UBP1: variants seen among roughly 807,000 people sequenced by gnomAD.
UBP1 encodes the protein upstream binding protein 1.
UBP1 carries 22 observed loss-of-function variants against 76.1 expected under a neutral mutation model. The observed-to-expected ratio is 0.29, with a 90% CI of 0.21 to 0.41. UBP1 has a LOEUF of 0.41. Among genes scored for constraint, UBP1 ranks in the 10% least tolerant of loss-of-function variants. The probability of loss-of-function intolerance (pLI) is 1.00; values close to 1 mark genes in which losing one functional copy is unlikely to be tolerated. For synonymous variants in UBP1, 224 were observed against 237.1 expected (o/e 0.94, Z 0.51); for missense variants, 436 against 668.1 (o/e 0.65, Z 3.83).
intron 15 of UBP1, 106 bp from the exon 16 acceptor site, chr3:33,390,474 T>G: frequency 8.3e-7 from 1 of 1,204,860 alleles, no homozygotes; most frequent in Non-Finnish European, 1.2e-6. Context: ...AATTCAGAGG[T>G]TACCTTTAAA....
At chr3:33,436,358 C>T (rs1331294275) in intron 1 of UBP1, among the ~76,000 whole-genome samples, 2 of 152,122 alleles carry the variant, frequency 1.3e-5, no homozygotes, top group Admixed American at 6.6e-5. Context: ...AACATTTTAC[C>T]TTTCAATCAA....
intron 1 of UBP1, 120 bp from the exon 2 acceptor site, chr3:33,425,861 G>A: frequency 1.2e-6 from 1 of 856,438 alleles, no homozygotes; most frequent in Non-Finnish European, 1.6e-6. Flanking sequence ...AACATTTAGG[G>A]ATAGTTTTTT....
At chr3:33,397,219 A>G (rs1170087441) in intron 11 of UBP1, 84 bp from the exon 12 acceptor site, 3 of 999,626 alleles carry the variant, frequency 3.0e-6, no homozygotes, top group Admixed American at 2.6e-5. Context: ...ATGCAGTCCA[A>G]TGTCCTTCAA....
chr3:33,398,612 A>G (rs1190475858), intron 11 of UBP1, among the ~76,000 whole-genome samples: 2 of 152,210 alleles, frequency 1.3e-5, no homozygotes, highest in Non-Finnish European at 2.9e-5. Context: ...AGATGTGCCC[A>G]AAGGGTACCA....
At chr3:33,436,321 C>T (rs559278560) in intron 1 of UBP1, among the ~76,000 whole-genome samples, 3 of 152,284 alleles carry the variant, frequency 2.0e-5, no homozygotes, top group Admixed American at 6.5e-5. Context: ...CTACAGTAAC[C>T]TTGTTGTACA....
At chr3:33,434,715 T>G (rs1575493456) in intron 1 of UBP1, among the ~76,000 whole-genome samples, 1 of 122,644 alleles carries the variant, frequency 8.2e-6, no homozygotes, top group African/African-American at 3.2e-5. Context: ...TGAGATGGAG[T>G]CTCTCTCTGT....
chr3:33,410,533 T>C (rs997127222), intron 5 of UBP1, among the ~76,000 whole-genome samples: 2 of 152,066 alleles, frequency 1.3e-5, no homozygotes, highest in Non-Finnish European at 2.9e-5. Context: ...AAAATACAAA[T>C]GATTTTTTAC....
At chr3:33,407,316 T>C (rs142517384) in intron 8 of UBP1, among the ~76,000 whole-genome samples, 2 of 152,330 alleles carry the variant, frequency 1.3e-5, no homozygotes, top group East Asian at 1.9e-4. Context: ...CTCTGGGCTA[T>C]AATGAATTTC....
Position 33,411,690 on chromosome 3 carries a change from A to G in UBP1, c.449-3T>C, listed in dbSNP as rs542049943. 55 of 1,610,766 alleles carry G rather than the reference A, an allele frequency of 3.4e-5. No individual in the cohort carries two copies. In the Middle Eastern group the frequency reaches 5.0e-4, roughly 15 times the overall value. The stretch of plus-strand genomic sequence containing the variant: ...TATTCCCACAGACATTGGAATATCT[A>G]TGTTTTAAAAAGAAGTTACATAAAA... On this transcript the variant is annotated splice_polypyrimidine_tract_variant and splice_region_variant and intron_variant, in intron 4 of 15. Coordinates refer to ENST00000283629, the MANE Select transcript of UBP1 (RefSeq NM_014517.5).
intron 2 of UBP1, among the ~76,000 whole-genome samples, chr3:33,424,998 T>C (rs765883142): frequency 5.3e-5 from 8 of 152,042 alleles, no homozygotes; most frequent in African/African-American, 7.2e-5. Context: ...TGTGCCGAGA[T>C]TGCGCCACTG....
At chr3:33,433,150 T>G (rs1223441938) in intron 1 of UBP1, among the ~76,000 whole-genome samples, 5 of 150,836 alleles carry the variant, frequency 3.3e-5, no homozygotes. Flanking sequence ...AACCTCCACC[T>G]CCCGGGATCA....
At chr3:33,397,315 G>A in intron 11 of UBP1, 180 bp from the exon 12 acceptor site, 1 of 476,512 alleles carries the variant, frequency 2.1e-6, no homozygotes, top group Non-Finnish European at 3.6e-6. Context: ...CAAGGAAAAT[G>A]CTGGCTTTTC....
rs1461589765 is a variant in UBP1 at position 33,397,146 on chromosome 3, G to A, written c.1181-11C>T. 1.3e-6 allele frequency: 2 copies of A among 1,561,316 alleles called. No homozygotes were observed. Among genetic ancestry groups the A allele is most frequent in the Non-Finnish European group, 1.7e-6 (2 of 1,159,090 alleles). On this transcript the variant is annotated splice_polypyrimidine_tract_variant and intron_variant, in intron 11 of 15. Transcript: ENST00000283629. ...TTAATAAGTCGGCACCTAGAGAAGAGCAAAAATATTTTTCTCAAATAAATG... is the reference window on the plus strand; with the variant it reads ...TTAATAAGTCGGCACCTAGAGAAGAACAAAAATATTTTTCTCAAATAAATG...
chr3:33,400,328 T>G (rs2044175984), intron 10 of UBP1, 46 bp from the exon 11 acceptor site: 1 of 1,444,086 alleles, frequency 6.9e-7, no homozygotes. Context: ...CCATTCAGAC[T>G]TAGAACATTT....
intron 3 of UBP1, among the ~76,000 whole-genome samples, chr3:33,415,507 CATG>C (rs1424268010): frequency 6.6e-6 from 1 of 152,136 alleles, no homozygotes; most frequent in Non-Finnish European, 1.5e-5. Context: ...TATGAGAACT[CATG>C]ATATATACCA....
At chr3:33,423,190 C>T (rs901174396) in intron 2 of UBP1, among the ~76,000 whole-genome samples, 2 of 151,954 alleles carry the variant, frequency 1.3e-5, no homozygotes, top group African/African-American at 4.8e-5. Flanking sequence ...CAGGTGTGTG[C>T]CACCATGCCT....
intron 1 of UBP1, among the ~76,000 whole-genome samples, chr3:33,433,068 G>T (rs1007741804): frequency 8.2e-5 from 12 of 147,134 alleles, no homozygotes; most frequent in Admixed American, 2.0e-4. Context: ...AGAGTTTTTT[G>T]TTTTTTTTTT....
At position 33,430,121 on chromosome 3, in the gene UBP1, T is replaced by C. The variant is rs1410503508; in HGVS notation, c.114-4380A>G. The stretch of plus-strand genomic sequence containing the variant: ...GGGAAAAAAGTTGTCAGAGAACACA[T>C]ATATTCTTGAAAGTATTAAAGAACT... On this transcript the variant is annotated intron_variant, in intron 1 of 15. Transcript: ENST00000283629. Among the ~76,000 whole-genome samples the C allele has an allele frequency of 4.6e-5, 7 of 152,176 alleles. No homozygotes were observed. The East Asian group carries it at 1.3e-3, about 29-fold the overall frequency.
intron 2 of UBP1, among the ~76,000 whole-genome samples, chr3:33,423,329 G>A (rs959690705): frequency 1.6e-4 from 24 of 151,074 alleles, no homozygotes; most frequent in African/African-American, 5.6e-4. Context: ...GTGAGCCATC[G>A]TGCCCGGCCC....
Sources: allele counts gnomAD v4.1 joint callset (sites outside exome capture counted in the v4.1 genomes callset), GRCh38; gene constraint gnomAD v4.1.1; transcripts MANE v1.5; gene names NCBI Gene and HGNC (gene_info 2026-07-23, HGNC 2026-07-21).